Variants in ARFGEF2 observed in about 807,000 individuals in gnomAD.
ARFGEF2 encodes the protein brefeldin A-inhibited guanine nucleotide-exchange protein 2.
A neutral mutation model predicts 219.9 loss-of-function variants in ARFGEF2; 74 were observed. The ratio of observed to expected loss-of-function variants is 0.34; its 90% CI spans 0.28 to 0.41. The LOEUF (loss-of-function observed/expected upper bound fraction) is 0.41. Ranked by LOEUF, ARFGEF2 falls within the 10% of genes least tolerant of loss-of-function variation. ARFGEF2 has a pLI of 1.00. For missense variants in ARFGEF2, 1,743 were observed against 2,218.3 expected (o/e 0.79, Z 4.30); for synonymous variants, 733 against 799.2 (o/e 0.92, Z 1.40).
At chr20:48,953,474 C>A in intron 5 of ARFGEF2, 82 bp from the exon 6 acceptor site, 3 of 1,346,756 alleles carry the variant, frequency 2.2e-6, no homozygotes, top group African/African-American at 1.4e-5. Context: ...CCGCGCCCAG[C>A]CCAGGAAATT....
At chr20:48,956,745 A>G (rs2091108112) in intron 6 of ARFGEF2, among the ~76,000 whole-genome samples, 1 of 151,920 alleles carries the variant, frequency 6.6e-6, no homozygotes, top group Admixed American at 6.6e-5. Flanking sequence ...ACGTCTGGCT[A>G]ATTTTGTATT....
At chr20:48,962,497 A>G (rs1600614171) in intron 6 of ARFGEF2, among the ~76,000 whole-genome samples, 1 of 152,158 alleles carries the variant, frequency 6.6e-6, no homozygotes, top group Non-Finnish European at 1.5e-5. Flanking sequence ...ATAATAATAT[A>G]TAATATTATA....
intron 21 of ARFGEF2, among the ~76,000 whole-genome samples, chr20:48,994,119 G>A (rs762735328): frequency 6.6e-6 from 1 of 152,166 alleles, no homozygotes; most frequent in Non-Finnish European, 1.5e-5. Flanking sequence ...GGAACAGTGA[G>A]TGCCAAGGCC....
chr20:49,012,107 C>T (rs1227557732), intron 28 of ARFGEF2, 23 bp downstream of exon 28: 1 of 1,614,044 alleles, frequency 6.2e-7, no homozygotes, highest in Admixed American at 1.7e-5. Flanking sequence ...CCACCTTACT[C>T]AGATGGGCAG....
intron 34 of ARFGEF2, among the ~76,000 whole-genome samples, chr20:49,022,736 A>G (rs993104006): frequency 1.3e-5 from 2 of 152,162 alleles, no homozygotes; most frequent in Admixed American, 6.5e-5. Context: ...TAATATTCTT[A>G]AAATATTTCA....
At chr20:48,991,514 T>C (rs1289355388) in intron 21 of ARFGEF2, among the ~76,000 whole-genome samples, 1 of 151,570 alleles carries the variant, frequency 6.6e-6, no homozygotes, top group Non-Finnish European at 1.5e-5. Flanking sequence ...GCTTGGGAGC[T>C]CCTGTGATCA....
rs917649848 is a variant in ARFGEF2, at chr20:49,034,320, C to T, written c.*1121C>T. 1 of 152,272 alleles carries T rather than the reference C, an allele frequency of 6.6e-6. No individual in the cohort carries two copies. The highest frequency in any genetic ancestry group is 2.4e-5 in the African/African-American group (1 of 41,464). The allele number at this position is 152,272 out of a possible 1,614,324, so 9.4% of individuals were successfully genotyped here. ...GGCAGGAGGTGGCATGTGCCCAGCA[C>T]TTCCATTAATCTGAGCCTAGGAGTT... On this transcript the variant is annotated 3_prime_UTR_variant, in exon 39 of 39. Coordinates refer to ENST00000371917, the MANE Select transcript of ARFGEF2 (RefSeq NM_006420.3).
chr20:49,008,076 T>C (rs1052764036), intron 26 of ARFGEF2, among the ~76,000 whole-genome samples: 24 of 152,354 alleles, frequency 1.6e-4, no homozygotes, highest in African/African-American at 5.8e-4. Context: ...AGAATCCTGA[T>C]ATTTTTATGC....
At chr20:49,022,873 G>A (rs942518376) in intron 34 of ARFGEF2, among the ~76,000 whole-genome samples, 178 bp from the exon 35 acceptor site, 1 of 151,854 alleles carries the variant, frequency 6.6e-6, no homozygotes, top group Non-Finnish European at 1.5e-5. Context: ...CCAGCACTTT[G>A]GGAGGCTGAA....
Position 49,010,358 on chromosome 20 carries a change from T to C in ARFGEF2, c.3711T>C (p.Asp1237=). 1.2e-6 allele frequency: 2 copies of C among 1,614,222 alleles called. No homozygotes were observed. The highest frequency in any genetic ancestry group is 1.3e-5 in the African/African-American group (1 of 75,064). The change falls in exon 27 of 39, where the codon GAT becomes GAC. Residue 1237 remains aspartate (D), a synonymous_variant. Transcript: ENST00000371917. ...TCCACCAGGCAGCCTCTGATCATGA[T>C]GGGAACATTGTGGAGCTGGCCTTCC... is the stretch of plus-strand genomic sequence containing the variant. ...AVFHQAASDH[D]GNIVELAFQT...
In ARFGEF2 at chr20:48,995,727, G is replaced by C. The variant is rs905694804; in HGVS notation, c.3122-56G>C. 5.4e-6 allele frequency: 8 copies of C among 1,470,698 alleles called. No individual in the cohort carries two copies. In the Admixed American group the frequency reaches 8.4e-5, roughly 15 times the overall value. 91.1% of individuals were successfully genotyped at this position (1,470,698 alleles called of 1,614,324 possible). A position where few individuals can be genotyped will look rare whatever the true frequency, so the allele number is the denominator to read the frequency against. On this transcript the variant is annotated intron_variant, in intron 22 of 38. Transcript: ENST00000371917. ...GCGTGTTGACATAACAGGATGCTTT[G>C]TTCTAAATACTTGACTGTTTTTGAA...
chr20:49,013,077 A>T (rs1178721657), intron 28 of ARFGEF2, among the ~76,000 whole-genome samples: 1 of 152,118 alleles, frequency 6.6e-6, no homozygotes, highest in African/African-American at 2.4e-5. Context: ...ATAACCTAGG[A>T]CCATTGTTTC....
At chr20:49,016,837 A>G (rs2091534011) in intron 31 of ARFGEF2, among the ~76,000 whole-genome samples, 1 of 152,204 alleles carries the variant, frequency 6.6e-6, no homozygotes, top group Admixed American at 6.5e-5. Context: ...GCTTAGGGCA[A>G]GAAATTTAGT....
At position 49,030,499 on chromosome 20, in the gene ARFGEF2, A is replaced by G. The variant is rs985022185; in HGVS notation, c.5064-1550A>G. On this transcript the variant is annotated intron_variant, in intron 37 of 38. Coordinates refer to ENST00000371917, the MANE Select transcript of ARFGEF2 (RefSeq NM_006420.3). The stretch of plus-strand genomic sequence containing the variant: ...AAAAAAACTGGAAGGAAATATGCCA[A>G]AATATTGTCATGTATCCCTTAGAAT... Among the ~76,000 whole-genome samples the G allele has an allele frequency of 2.0e-5, 3 of 152,150 alleles. No homozygotes were observed. In the East Asian group the frequency reaches 5.8e-4, roughly 29 times the overall value.
At chr20:48,946,172 G>A (rs968605732) in intron 3 of ARFGEF2, among the ~76,000 whole-genome samples, 25 of 152,330 alleles carry the variant, frequency 1.6e-4, no homozygotes, top group African/African-American at 6.0e-4. Flanking sequence ...GAAACCAGCT[G>A]CAGATACATC....
At chr20:49,032,845 G>A (rs1159180370) in intron 38 of ARFGEF2, among the ~76,000 whole-genome samples, 178 bp from the exon 39 acceptor site, 5 of 151,774 alleles carry the variant, frequency 3.3e-5, no homozygotes, top group Admixed American at 2.0e-4. Flanking sequence ...CACCTGCCTC[G>A]GCCTCCCCAA....
At chr20:48,983,327 A>G (rs1055906015) in intron 14 of ARFGEF2, among the ~76,000 whole-genome samples, 2 of 152,084 alleles carry the variant, frequency 1.3e-5, no homozygotes, top group East Asian at 1.9e-4. Flanking sequence ...CACATACACA[A>G]TCATATATTC....
rs1396061818 is a variant in ARFGEF2 at position 49,010,373 on chromosome 20, G to A, written c.3726G>A (p.Glu1242=). 6.2e-7 allele frequency: 1 copy of A among 1,614,094 alleles called. No individual in the cohort carries two copies. Among genetic ancestry groups the A allele is most frequent in the Admixed American group, 1.7e-5 (1 of 60,016 alleles). Residue 1242 remains glutamate, a synonymous_variant, in exon 27 of 39, where the codon GAG becomes GAA. Coordinates refer to ENST00000371917, the MANE Select transcript of ARFGEF2 (RefSeq NM_006420.3). ...AASDHDGNIV[E]LAFQTTCHIV... ...CTGATCATGATGGGAACATTGTGGA[G>A]CTGGCCTTCCAGACCACTTGCCACA...
chr20:48,965,206 C>T (rs891008737), intron 7 of ARFGEF2, among the ~76,000 whole-genome samples: 2 of 152,192 alleles, frequency 1.3e-5, no homozygotes, highest in African/African-American at 4.8e-5. Flanking sequence ...CCAGCCGCTA[C>T]TGCAGAGCCT....
Sources: allele counts gnomAD v4.1 joint callset (sites outside exome capture counted in the v4.1 genomes callset), GRCh38; gene constraint gnomAD v4.1.1; transcripts MANE v1.5; gene names NCBI Gene and HGNC (gene_info 2026-07-23, HGNC 2026-07-21).